The following PXDNL variants were observed in gnomAD, a reference collection of about 807,000 sequenced individuals.
PXDNL encodes peroxidasin like.
PXDNL carries 145 observed loss-of-function variants against 150.8 expected under a neutral mutation model. The ratio of observed to expected loss-of-function variants is 0.96; its 90% CI spans 0.84 to 1.10. The LOEUF (loss-of-function observed/expected upper bound fraction) is 1.10. Among genes scored for constraint, PXDNL ranks in the 50% least tolerant of loss-of-function variants. The probability of loss-of-function intolerance (pLI) is 0.00; values close to 1 mark genes in which losing one functional copy is unlikely to be tolerated. For synonymous variants in PXDNL, 757 were observed against 725.7 expected, an observed-to-expected ratio of 1.04 and a Z score of -0.69; for missense variants, 2,087 against 1,873.9, an observed-to-expected ratio of 1.11 and a Z score of -2.10.
At chr8:51,452,935 A>AACACATATACACACACACACACACACAC (rs60146365) in intron 10 of PXDNL, among the ~76,000 whole-genome samples, 1 of 142,566 alleles carries the variant, frequency 7.0e-6, no homozygotes, top group African/African-American at 2.7e-5. Flanking sequence ...CACACACACA[A>AACACATATACACACACACACACACACAC]ACACACACAC....
intron 1 of PXDNL, among the ~76,000 whole-genome samples, chr8:51,660,368 G>T (rs1815246927): frequency 6.6e-6 from 1 of 152,144 alleles, no homozygotes; most frequent in South Asian, 2.1e-4. Context: ...AGGCCACATA[G>T]CTCATCCAGT....
chr8:51,593,885 C>T (rs760702313), intron 2 of PXDNL, among the ~76,000 whole-genome samples: 8 of 152,176 alleles, frequency 5.3e-5, no homozygotes, highest in Non-Finnish European at 1.0e-4. Flanking sequence ...TAATTCTAAG[C>T]TTCAGTCAAT....
intron 8 of PXDNL, among the ~76,000 whole-genome samples, chr8:51,460,665 A>G (rs959412002): frequency 6.6e-6 from 1 of 151,696 alleles, no homozygotes; most frequent in African/African-American, 2.4e-5. Context: ...AGGTGAGTGA[A>G]GGAAACTGCA....
chr8:51,776,057 T>C (rs1210645272), intron 1 of PXDNL, among the ~76,000 whole-genome samples: 2 of 152,148 alleles, frequency 1.3e-5, no homozygotes, highest in African/African-American at 4.8e-5. Context: ...TAAGCCCCGG[T>C]CTCCTGTAGC....
Position 51,655,417 on chromosome 8 carries a change from C to T in PXDNL, c.165-657G>A, listed in dbSNP as rs116560565. On this transcript the variant is annotated intron_variant, in intron 1 of 22. Coordinates refer to ENST00000356297, the MANE Select transcript of PXDNL (RefSeq NM_144651.5). Reference sequence around the variant, plus strand: ...GCAAGATAGGGTCCCTGCTACTGAGCACAGATAGTTCAGTGGGGGGATGTC... The same window carrying T: ...GCAAGATAGGGTCCCTGCTACTGAGTACAGATAGTTCAGTGGGGGGATGTC... 1.7e-3 allele frequency among the ~76,000 whole-genome samples: 257 copies of T among 152,198 alleles called. 2 individuals carry two copies. The highest frequency in any genetic ancestry group is 5.7e-3 in the African/African-American group (238 of 41,520).
chr8:51,705,844 CGCGCGCGCGT>C (rs970926060), intron 1 of PXDNL, among the ~76,000 whole-genome samples: 4 of 143,228 alleles, frequency 2.8e-5, no homozygotes, highest in South Asian at 2.1e-4. Flanking sequence ...CGCGCGCGCG[CGCGCGCGCGT>C]GCATGCACAT....
At chr8:51,582,012 A>G (rs1246723842) in intron 3 of PXDNL, among the ~76,000 whole-genome samples, 1 of 151,158 alleles carries the variant, frequency 6.6e-6, no homozygotes, top group Non-Finnish European at 1.5e-5. Flanking sequence ...AGGCTACAAA[A>G]TGATATAATT....
chr8:51,435,710 G>A, intron 12 of PXDNL: 1 of 316,274 alleles, frequency 3.2e-6, no homozygotes, highest in South Asian at 3.2e-5. Context: ...CACCACCGCA[G>A]AGGAGGTGGA....
intron 1 of PXDNL, among the ~76,000 whole-genome samples, chr8:51,769,587 T>C (rs185438218): frequency 3.3e-4 from 51 of 152,362 alleles, no homozygotes; most frequent in South Asian, 2.3e-3. Flanking sequence ...TTTCCTGTGA[T>C]ACATGTTTTG....
intron 1 of PXDNL, among the ~76,000 whole-genome samples, chr8:51,772,737 T>C (rs2037311937): frequency 6.6e-6 from 1 of 152,040 alleles, no homozygotes; most frequent in South Asian, 2.1e-4. Flanking sequence ...TGAGACAAGG[T>C]AGCATGGGTC....
At chr8:51,476,639 G>A (rs370756505) in intron 6 of PXDNL, among the ~76,000 whole-genome samples, 6 of 152,226 alleles carry the variant, frequency 3.9e-5, no homozygotes, top group East Asian at 1.9e-4. Context: ...CAAAAGATGC[G>A]TGGCAAAAAG....
chr8:51,427,026 G>A (rs1005504040), intron 12 of PXDNL, among the ~76,000 whole-genome samples: 25 of 152,176 alleles, frequency 1.6e-4, no homozygotes, highest in Admixed American at 1.6e-3. Flanking sequence ...CTTCAGCTGA[G>A]CTGTGGGTAC....
At chr8:51,802,750 G>C (rs796076974) in intron 1 of PXDNL, among the ~76,000 whole-genome samples, 4 of 152,278 alleles carry the variant, frequency 2.6e-5, no homozygotes, top group African/African-American at 9.6e-5. Context: ...GCAAGAACAA[G>C]GGCTGTGTGA....
At chr8:51,331,590 G>A (rs540401751) in intron 21 of PXDNL, among the ~76,000 whole-genome samples, 2 of 152,036 alleles carry the variant, frequency 1.3e-5, no homozygotes, top group African/African-American at 4.8e-5. Context: ...AAAGCTTCTG[G>A]CAAGTTTTCA....
At chr8:51,566,366 G>A (rs10111586) in intron 3 of PXDNL, among the ~76,000 whole-genome samples, 32,215 of 151,504 alleles carry the variant, frequency 0.21, 3,731 homozygotes, top group African/African-American at 0.29. Context: ...GATAATTAAC[G>A]TCATTTTTTC....
At chr8:51,332,322 G>A (rs1000423368) in intron 21 of PXDNL, among the ~76,000 whole-genome samples, 2 of 152,090 alleles carry the variant, frequency 1.3e-5, no homozygotes, top group South Asian at 4.1e-4. Context: ...AAAAGAATCT[G>A]AACAACAGCC....
intron 2 of PXDNL, among the ~76,000 whole-genome samples, chr8:51,640,259 C>T (rs1199468179): frequency 2.0e-5 from 3 of 152,118 alleles, no homozygotes; most frequent in African/African-American, 7.2e-5. Context: ...ACTGAATGGG[C>T]AAAAACTGGA....
chr8:51,529,346 A>ACTATTTTGCAGGT (rs1258230858), intron 4 of PXDNL, among the ~76,000 whole-genome samples: 4 of 152,220 alleles, frequency 2.6e-5, no homozygotes, highest in Non-Finnish European at 5.9e-5. Flanking sequence ...GTAATGGGTA[A>ACTATTTTGCAGGT]CTAGTTTGCA....
chr8:51,801,302 C>T (rs776167907), intron 1 of PXDNL, among the ~76,000 whole-genome samples: 4 of 151,396 alleles, frequency 2.6e-5, no homozygotes, highest in Non-Finnish European at 5.9e-5. Flanking sequence ...GACCAGTTCT[C>T]TGTTCTCGAA....
Sources: gnomAD v4.1 joint callset for allele counts (sites outside exome capture counted in the v4.1 genomes callset) on GRCh38, gnomAD v4.1.1 for gene constraint, MANE v1.5 for transcripts, NCBI Gene and HGNC (gene_info 2026-07-23, HGNC 2026-07-21) for gene names.